The following PTPRM variants were observed in gnomAD, a reference collection of about 807,000 sequenced individuals.
PTPRM encodes protein tyrosine phosphatase receptor type M, also known as receptor-type tyrosine-protein phosphatase mu.
Under a neutral mutation model 186.7 loss-of-function variants are expected in PTPRM, and 47 were observed. The observed-to-expected ratio is 0.25, with a 90% CI of 0.20 to 0.32. The LOEUF (loss-of-function observed/expected upper bound fraction) is 0.32. Among genes scored for constraint, PTPRM ranks in the 10% least tolerant of loss-of-function variants. The pLI, the probability that PTPRM is intolerant of heterozygous loss-of-function variation, is 1.00. For missense variants in PTPRM, 1,494 were observed against 1,865.0 expected (o/e 0.80, Z 3.66); for synonymous variants, 668 against 674.9 (o/e 0.99, Z 0.16).
chr18:8,109,008 A>T (rs1462434911), intron 11 of PTPRM, among the ~76,000 whole-genome samples: 1 of 152,218 alleles, frequency 6.6e-6, no homozygotes, highest in African/African-American at 2.4e-5. Context: ...TTCTATTCTC[A>T]GAAATTTGCT....
chr18:8,337,883 T>G (rs2095449347), intron 22 of PTPRM, among the ~76,000 whole-genome samples: 1 of 152,118 alleles, frequency 6.6e-6, no homozygotes, highest in South Asian at 2.1e-4. Flanking sequence ...ATTAAAGAAT[T>G]TAGGGCTTAC....
intron 25 of PTPRM, 106 bp downstream of exon 25, chr18:8,376,306 TGCACAACATTTTGGGA>T: frequency 3.9e-6 from 6 of 1,536,128 alleles, no homozygotes; most frequent in Non-Finnish European, 5.3e-6. Context: ...GGGTGATGAT[TGCACAACATTTTGGGA>T]GCACTAAATG....
chr18:8,345,727 A>T (rs1281164473), intron 23 of PTPRM, among the ~76,000 whole-genome samples: 1 of 151,670 alleles, frequency 6.6e-6, no homozygotes, highest in Non-Finnish European at 1.5e-5. Flanking sequence ...AGAAAAGAAA[A>T]CTTGTTCCCC....
chr18:8,143,419 G>A (rs768445441), intron 13 of PTPRM, among the ~76,000 whole-genome samples: 1 of 152,180 alleles, frequency 6.6e-6, no homozygotes, highest in Admixed American at 6.5e-5. Context: ...GGTCAGGCAT[G>A]GGTGTGCTAT....
intron 2 of PTPRM, among the ~76,000 whole-genome samples, chr18:7,844,495 G>T (rs532566465): frequency 1.3e-5 from 2 of 152,254 alleles, no homozygotes; most frequent in South Asian, 4.2e-4. Flanking sequence ...ACATGCAATG[G>T]TAGGACGGGC....
At chr18:8,137,153 C>T (rs556809627) in intron 13 of PTPRM, among the ~76,000 whole-genome samples, 18 of 152,286 alleles carry the variant, frequency 1.2e-4, no homozygotes, top group African/African-American at 4.3e-4. Context: ...TAAGGTTTTT[C>T]AGCCTCCTCA....
At chr18:8,231,473 G>A (rs1055044085) in intron 14 of PTPRM, among the ~76,000 whole-genome samples, 5 of 152,046 alleles carry the variant, frequency 3.3e-5, no homozygotes, top group Non-Finnish European at 7.4e-5. Flanking sequence ...TCTCCCATAG[G>A]ACACATTACT....
At chr18:7,710,188 A>C (rs1012678233) in intron 1 of PTPRM, among the ~76,000 whole-genome samples, 2 of 152,212 alleles carry the variant, frequency 1.3e-5, no homozygotes, top group African/African-American at 4.8e-5. Flanking sequence ...TATCAAAAAG[A>C]TAATACATCA....
At chr18:7,932,706 C>A (rs543526267) in intron 5 of PTPRM, among the ~76,000 whole-genome samples, 1 of 152,078 alleles carries the variant, frequency 6.6e-6, no homozygotes, top group Non-Finnish European at 1.5e-5. Context: ...TAAAATCCAT[C>A]ATAGCACAAT....
intron 6 of PTPRM, among the ~76,000 whole-genome samples, chr18:7,954,233 G>A (rs1281820644): frequency 6.6e-6 from 1 of 152,134 alleles, no homozygotes; most frequent in Non-Finnish European, 1.5e-5. Context: ...CAAAGAGAGG[G>A]ACTTTCTTGG....
rs116235823 is a variant in PTPRM at position 8,012,553 on chromosome 18, A to T, written c.1133-57133A>T. On this transcript the variant is annotated intron_variant, in intron 7 of 32. Coordinates refer to ENST00000580170, the MANE Select transcript of PTPRM (RefSeq NM_001105244.2). The stretch of plus-strand genomic sequence containing the variant: ...GTTGAGCCTACTATGCACCCAGGCT[A>T]TGTGGTGTTGCCTATGGTTCCTAGG... Among the ~76,000 whole-genome samples, 7 of 152,174 alleles carry T rather than the reference A, an allele frequency of 4.6e-5. No homozygotes were observed. The East Asian group carries it at 1.4e-3, about 29-fold the overall frequency.
rs137986716 is a variant in PTPRM at position 8,394,537 on chromosome 18, C to T, written c.4270C>T (p.His1424Tyr). 6 of 1,613,664 alleles carry T rather than the reference C, an allele frequency of 3.7e-6. No individual in the cohort carries two copies. In the African/African-American group the frequency reaches 5.3e-5, roughly 14 times the overall value. ...CAGCATCGTATGTGAGATGCTCCGG[C>T]ACCAGAGAACCGTGGATGTCTTTCA... Reference protein sequence around the residue: ...AISIVCEMLRHQRTVDVFHAV... With the variant: ...AISIVCEMLRYQRTVDVFHAV... Residue 1424 changes from histidine to tyrosine, a missense_variant, in exon 32 of 33, where the codon CAC becomes TAC. Around this residue, in one of 3 missense-constraint regions of PTPRM, gnomAD observed 1,107 missense variants for 1,350.2 expected, o/e 0.82. Coordinates refer to ENST00000580170, the MANE Select transcript of PTPRM (RefSeq NM_001105244.2).
intron 7 of PTPRM, among the ~76,000 whole-genome samples, chr18:7,985,740 G>A (rs949771485): frequency 2.0e-5 from 3 of 151,650 alleles, no homozygotes; most frequent in African/African-American, 7.3e-5. Context: ...CTCGGAGAAT[G>A]GAGTTTCCAT....
At chr18:8,266,422 A>G (rs2094701811) in intron 19 of PTPRM, among the ~76,000 whole-genome samples, 1 of 151,412 alleles carries the variant, frequency 6.6e-6, no homozygotes, top group Non-Finnish European at 1.5e-5. Flanking sequence ...AAATGTTTTG[A>G]ATTACTTAAT....
At chr18:8,080,815 A>G (rs541836266) in intron 9 of PTPRM, among the ~76,000 whole-genome samples, 32 of 152,286 alleles carry the variant, frequency 2.1e-4, no homozygotes, top group Admixed American at 5.9e-4. Flanking sequence ...TGAGCCATGT[A>G]TATGAAATTG....
chr18:8,043,377 C>T (rs2086811433), intron 7 of PTPRM, among the ~76,000 whole-genome samples: 1 of 152,154 alleles, frequency 6.6e-6, no homozygotes, highest in African/African-American at 2.4e-5. Flanking sequence ...CCCAGACAGG[C>T]TGTGTGATCC....
At chr18:8,252,401 A>G in intron 17 of PTPRM, 87 bp from the exon 18 acceptor site, 2 of 1,077,208 alleles carry the variant, frequency 1.9e-6, no homozygotes, top group Non-Finnish European at 2.9e-6. Flanking sequence ...AATAAAAACT[A>G]CCTGTAATTA....
chr18:8,172,265 CT>C (rs869079652), intron 14 of PTPRM, among the ~76,000 whole-genome samples: 21,783 of 137,710 alleles, frequency 0.16, 1,606 homozygotes, highest in Middle Eastern at 0.21. Context: ...AAGTCTTGAC[CT>C]TTTTTTTTTT....
chr18:7,891,602 C>T (rs1023321946), intron 3 of PTPRM, among the ~76,000 whole-genome samples: 1 of 152,046 alleles, frequency 6.6e-6, no homozygotes, highest in South Asian at 2.1e-4. Flanking sequence ...CGCAATGGCT[C>T]GTGCCTTTAG....
Sources: allele counts gnomAD v4.1 joint callset (sites outside exome capture counted in the v4.1 genomes callset), GRCh38; gene constraint gnomAD v4.1.1; regional missense constraint gnomAD v4.1.1; transcripts MANE v1.5; gene names NCBI Gene and HGNC (gene_info 2026-07-23, HGNC 2026-07-21).